ATF7IP: variants seen among roughly 807,000 people sequenced by gnomAD.
ATF7IP encodes activating transcription factor 7 interacting protein.
Under a neutral mutation model 106.4 loss-of-function variants are expected in ATF7IP, and 23 were observed. The ratio of observed to expected loss-of-function variants is 0.22; its 90% CI spans 0.16 to 0.31. ATF7IP has a LOEUF of 0.31. Ranked by LOEUF, ATF7IP falls within the 10% of genes least tolerant of loss-of-function variation. The probability of loss-of-function intolerance (pLI) is 1.00; values close to 1 mark genes in which losing one functional copy is unlikely to be tolerated. For missense variants in ATF7IP, 1,334 were observed against 1,524.3 expected, an observed-to-expected ratio of 0.88 and a Z score of 2.08; for synonymous variants, 542 against 539.0, an observed-to-expected ratio of 1.01 and a Z score of -0.08.
At chr12:14,379,811 C>G (rs1209968757) in intron 1 of ATF7IP, among the ~76,000 whole-genome samples, 1 of 152,128 alleles carries the variant, frequency 6.6e-6, no homozygotes, top group Non-Finnish European at 1.5e-5. Context: ...GATTTCTCCT[C>G]TCAGTGGAAG....
At chr12:14,418,537 G>A (rs1226673932) in intron 1 of ATF7IP, among the ~76,000 whole-genome samples, 1 of 152,102 alleles carries the variant, frequency 6.6e-6, no homozygotes, top group African/African-American at 2.4e-5. Context: ...CCTTGGAAGT[G>A]TTTTGCACTG....
chr12:14,424,960 G>A lies in ATF7IP; in HGVS notation c.1045G>A (p.Glu349Lys). 1 of 1,608,546 alleles carries A rather than the reference G, an allele frequency of 6.2e-7. No individual in the cohort carries two copies. The change falls in exon 2 of 15, where the codon GAA becomes AAA. Residue 349 changes from glutamate (E) to lysine (K), a missense_variant. Transcript: ENST00000261168. Reference sequence around the variant, plus strand: ...AGCTGATAATAATATTGATGCTAATGAAGAAACTCTAGAAACAGATGATAC... The same window carrying A: ...AGCTGATAATAATATTGATGCTAATAAAGAAACTCTAGAAACAGATGATAC... Reference protein sequence around the residue: ...NKADNNIDANEETLETDDTTI... With the variant: ...NKADNNIDANKETLETDDTTI...
At chr12:14,366,833 TAAAA>T (rs150770023) in intron 1 of ATF7IP, among the ~76,000 whole-genome samples, 2 of 152,006 alleles carry the variant, frequency 1.3e-5, no homozygotes, top group Non-Finnish European at 2.9e-5. Flanking sequence ...GGACCATTAA[TAAAA>T]AAAATCTGTT....
At chr12:14,445,548 C>T (rs556706780) in intron 5 of ATF7IP, among the ~76,000 whole-genome samples, 1 of 152,090 alleles carries the variant, frequency 6.6e-6, no homozygotes, top group Non-Finnish European at 1.5e-5. Flanking sequence ...AAAGGTAAAT[C>T]CATGTTAAGG....
chr12:14,368,124 CTT>C (rs1397581262), intron 1 of ATF7IP, among the ~76,000 whole-genome samples: 1 of 151,898 alleles, frequency 6.6e-6, no homozygotes, highest in Non-Finnish European at 1.5e-5. Flanking sequence ...TATTTTTAAA[CTT>C]ATTCATTATA....
chr12:14,448,300 T>A (rs1162425512), intron 6 of ATF7IP, among the ~76,000 whole-genome samples: 1 of 152,204 alleles, frequency 6.6e-6, no homozygotes, highest in Admixed American at 6.5e-5. Context: ...TGTAGTACAG[T>A]ATCAAAGTGA....
At chr12:14,481,353 A>G (rs566675156) in intron 13 of ATF7IP, 168 bp downstream of exon 13, 7 of 636,284 alleles carry the variant, frequency 1.1e-5, no homozygotes, top group East Asian at 5.5e-5. Flanking sequence ...AAACTATAGT[A>G]TAGTTAAAAT....
chr12:14,383,350 G>T (rs2136415121), intron 1 of ATF7IP, among the ~76,000 whole-genome samples: 1 of 152,232 alleles, frequency 6.6e-6, no homozygotes, highest in East Asian at 1.9e-4. Context: ...TTGACAGTGT[G>T]TTCCATAATT....
intron 12 of ATF7IP, among the ~76,000 whole-genome samples, chr12:14,478,749 A>G (rs962916284): frequency 6.6e-6 from 1 of 152,210 alleles, no homozygotes; most frequent in Non-Finnish European, 1.5e-5. Flanking sequence ...CACATCCAAA[A>G]TAATAATATT....
chr12:14,379,318 C>G (rs1938905080), intron 1 of ATF7IP, among the ~76,000 whole-genome samples: 1 of 152,164 alleles, frequency 6.6e-6, no homozygotes. Flanking sequence ...CCTGAGCCCC[C>G]ACCCCAAGAA....
intron 8 of ATF7IP, among the ~76,000 whole-genome samples, chr12:14,458,095 C>CAA (rs34626490): frequency 2.8e-5 from 4 of 141,360 alleles, no homozygotes; most frequent in African/African-American, 1.0e-4. Flanking sequence ...GACTTCCTCT[C>CAA]AAAAAAAAAA....
At chr12:14,386,367 G>C (rs776801392) in intron 1 of ATF7IP, among the ~76,000 whole-genome samples, 1 of 152,044 alleles carries the variant, frequency 6.6e-6, no homozygotes, top group Non-Finnish European at 1.5e-5. Flanking sequence ...CATACTTTAA[G>C]CAGCAATACT....
At chr12:14,397,845 C>G (rs1187842410) in intron 1 of ATF7IP, among the ~76,000 whole-genome samples, 2 of 152,232 alleles carry the variant, frequency 1.3e-5, no homozygotes, top group East Asian at 1.9e-4. Flanking sequence ...CAGAACCAAA[C>G]ATAATTACTC....
At chr12:14,474,096 T>C (rs1392372398) in intron 10 of ATF7IP, among the ~76,000 whole-genome samples, 1 of 151,940 alleles carries the variant, frequency 6.6e-6, no homozygotes, top group Non-Finnish European at 1.5e-5. Context: ...CAATTTTTTC[T>C]TTAGATCTTT....
intron 13 of ATF7IP, among the ~76,000 whole-genome samples, chr12:14,491,929 C>A (rs984167311): frequency 6.6e-6 from 1 of 152,186 alleles, no homozygotes; most frequent in African/African-American, 2.4e-5. Context: ...TGGCAAGCAC[C>A]GCCCCTGCAT....
rs1338066178 is a variant in ATF7IP at position 14,434,548 on chromosome 12, A to AT, written c.1645+126dup. 7.9e-6 allele frequency: 5 copies of AT among 633,904 alleles called. No homozygotes were observed. The East Asian group carries it at 1.3e-4, about 16-fold the overall frequency. The allele number at this position is 633,904 out of a possible 1,614,324, so 39.3% of individuals were successfully genotyped here. ...TGTAAAATTTTGCAATTTCACAACT[A>AT]TACCATTTTGTTGATGGCTAACTGA... On this transcript the variant is annotated intron_variant, in intron 3 of 14. Transcript: ENST00000261168.
At chr12:14,441,108 T>G (rs183961275) in intron 5 of ATF7IP, among the ~76,000 whole-genome samples, 1 of 152,212 alleles carries the variant, frequency 6.6e-6, no homozygotes, top group Non-Finnish European at 1.5e-5. Flanking sequence ...TGTGGAATTG[T>G]GGGCCATATG....
chr12:14,368,092 A>C (rs1393528490), intron 1 of ATF7IP, among the ~76,000 whole-genome samples: 2 of 152,088 alleles, frequency 1.3e-5, no homozygotes, highest in Non-Finnish European at 2.9e-5. Flanking sequence ...TAGGTTTTGC[A>C]TATGTGATAA....
chr12:14,447,153 G>GC (rs908967223), intron 6 of ATF7IP, 100 bp downstream of exon 6: 8 of 927,370 alleles, frequency 8.6e-6, no homozygotes, highest in Non-Finnish European at 1.3e-5. Flanking sequence ...TCTGAAATTT[G>GC]CTTTCATACT....
Sources: gnomAD v4.1 joint callset for allele counts (sites outside exome capture counted in the v4.1 genomes callset) on GRCh38, gnomAD v4.1.1 for gene constraint, MANE v1.5 for transcripts, NCBI Gene and HGNC (gene_info 2026-07-23, HGNC 2026-07-21) for gene names.